Variants in PCSK5 observed in about 807,000 individuals in gnomAD.
PCSK5 encodes prohormone convertase 5.
In PCSK5, 129 loss-of-function variants were observed where a neutral mutation model predicts 233.2. That is an observed-to-expected ratio of 0.55 (90% CI 0.48 to 0.64). The LOEUF (loss-of-function observed/expected upper bound fraction) is 0.64. PCSK5 is among the 30% of genes least tolerant of loss of function. PCSK5 has a pLI of 0.00. For missense variants in PCSK5, 2,076 were observed against 2,430.1 expected, an observed-to-expected ratio of 0.85 and a Z score of 3.06; for synonymous variants, 825 against 879.2, an observed-to-expected ratio of 0.94 and a Z score of 1.09.
chr9:75,894,018 ATTC>A lies in PCSK5; in HGVS notation c.192+2648_192+2650del, dbSNP rs770735048. Among the ~76,000 whole-genome samples the A allele has an allele frequency of 3.4e-4, 51 of 152,160 alleles. 1 individual carries two copies. Among genetic ancestry groups the A allele is most frequent in the Admixed American group, 7.8e-4 (12 of 15,288 alleles). On this transcript the variant is annotated intron_variant, in intron 1 of 37. Coordinates refer to ENST00000674117, the MANE Select transcript of PCSK5 (RefSeq NM_001372043.1). ...TCAACACTTTAGACATCCTTTTGTT[ATTC>A]TTTCCATCAGTAAACCAGCTGTGGA...
Position 76,309,901 on chromosome 9 carries a change from G to A in PCSK5, c.3689-755G>A, listed in dbSNP as rs564425577. On this transcript the variant is annotated intron_variant, in intron 29 of 37. Coordinates refer to ENST00000674117, the MANE Select transcript of PCSK5 (RefSeq NM_001372043.1). ...GATTTTGAAAATTGGTTTTCTTAATGAGTATCAGTTGTTTTTCGATTGAAA... is the reference window on the plus strand; with the variant it reads ...GATTTTGAAAATTGGTTTTCTTAATAAGTATCAGTTGTTTTTCGATTGAAA... Among the ~76,000 whole-genome samples, 31 of 152,248 alleles carry A rather than the reference G, an allele frequency of 2.0e-4. 1 individual carries two copies. The highest frequency in any genetic ancestry group is 3.9e-4 in the Admixed American group (6 of 15,294).
At chr9:76,260,781 T>C (rs1242000131) in intron 24 of PCSK5, among the ~76,000 whole-genome samples, 1 of 152,194 alleles carries the variant, frequency 6.6e-6, no homozygotes, top group Non-Finnish European at 1.5e-5. Context: ...AATTTTTATG[T>C]TTTAAGCTGC....
rs59248860 is a variant in PCSK5 at position 76,173,496 on chromosome 9, CTTTTTTTTTTTTTTTTTTTT to C, written c.1757-1473_1757-1454del. ...CTTTAATGAAATGGAGGCACGTTTC[CTTTTTTTTTTTTTTTTTTTT>C]TTTTTTTTTTTTTTTTACTTTTTGC... is the stretch of plus-strand genomic sequence containing the variant. On this transcript the variant is annotated intron_variant, in intron 13 of 37. Coordinates refer to ENST00000674117, the MANE Select transcript of PCSK5 (RefSeq NM_001372043.1). Among the ~76,000 whole-genome samples the C allele has an allele frequency of 1.0e-3, 64 of 61,004 alleles. 1 individual carries two copies. The highest frequency in any genetic ancestry group is 2.2e-3 in the African/African-American group (39 of 17,748). 40.0% of individuals were successfully genotyped at this position (61,004 alleles called of 152,430 possible). A position where few individuals can be genotyped will look rare whatever the true frequency, so the allele number is the denominator to read the frequency against.
chr9:76,274,174 C>A (rs1174914951), intron 24 of PCSK5, among the ~76,000 whole-genome samples: 1 of 151,770 alleles, frequency 6.6e-6, no homozygotes, highest in African/African-American at 2.4e-5. Context: ...TTATATCTAT[C>A]TTTGAGTTTA....
chr9:75,965,190 T>A (rs1825522194), intron 2 of PCSK5, among the ~76,000 whole-genome samples: 1 of 152,074 alleles, frequency 6.6e-6, no homozygotes, highest in Non-Finnish European at 1.5e-5. Flanking sequence ...GTATTAGGGT[T>A]CTCCAGGGAC....
At chr9:76,288,966 T>C (rs942701802) in intron 24 of PCSK5, among the ~76,000 whole-genome samples, 10 of 152,046 alleles carry the variant, frequency 6.6e-5, no homozygotes, top group African/African-American at 2.4e-4. Context: ...TGGCATAGAA[T>C]GTAAATTGGC....
rs549857542 is a variant in PCSK5, at chr9:76,083,874, C to T, written c.894+11976C>T. Among the ~76,000 whole-genome samples the T allele has an allele frequency of 1.4e-4, 21 of 152,270 alleles. 1 individual carries two copies. Among genetic ancestry groups the T allele is most frequent in the African/African-American group, 5.1e-4 (21 of 41,554 alleles). Reference sequence around the variant, plus strand: ...TCATAATAAACTTAACTAATTCCATCCAGGAGGGATATGTTTTTATCTGAT... The same window carrying T: ...TCATAATAAACTTAACTAATTCCATTCAGGAGGGATATGTTTTTATCTGAT... On this transcript the variant is annotated intron_variant, in intron 7 of 37. Coordinates refer to ENST00000674117, the MANE Select transcript of PCSK5 (RefSeq NM_001372043.1).
intron 24 of PCSK5, among the ~76,000 whole-genome samples, chr9:76,259,595 T>C (rs1394311858): frequency 6.6e-6 from 1 of 152,142 alleles, no homozygotes; most frequent in Non-Finnish European, 1.5e-5. Context: ...TTCCCTCACT[T>C]AAAATGTAAC....
intron 20 of PCSK5, among the ~76,000 whole-genome samples, chr9:76,203,566 G>A (rs984344581): frequency 2.0e-5 from 3 of 151,824 alleles, no homozygotes; most frequent in African/African-American, 7.3e-5. Flanking sequence ...ACTTGCAACA[G>A]ACCCAGGCTC....
At chr9:76,225,297 T>G (rs146796634) in intron 20 of PCSK5, among the ~76,000 whole-genome samples, 1 of 152,224 alleles carries the variant, frequency 6.6e-6, no homozygotes, top group Admixed American at 6.5e-5. Flanking sequence ...CTGGCATGTA[T>G]GTAGTGTTAA....
chr9:75,890,254 G>T (rs990438309), upstream of PCSK5, among the ~76,000 whole-genome samples: 4 of 152,178 alleles, frequency 2.6e-5, no homozygotes, highest in African/African-American at 9.7e-5. Context: ...TGAAAATCTC[G>T]AGTTATTTGT....
At chr9:75,906,942 C>T (rs964300846) in intron 1 of PCSK5, among the ~76,000 whole-genome samples, 1 of 152,212 alleles carries the variant, frequency 6.6e-6, no homozygotes, top group Admixed American at 6.5e-5. Flanking sequence ...GAACTATTCA[C>T]CTGATCCATT....
At chr9:75,932,742 G>A (rs574662338) in intron 2 of PCSK5, among the ~76,000 whole-genome samples, 10 of 152,118 alleles carry the variant, frequency 6.6e-5, no homozygotes, top group Non-Finnish European at 1.5e-4. Context: ...GAGGTGAGAG[G>A]GGAATAGGGA....
intron 1 of PCSK5, among the ~76,000 whole-genome samples, chr9:75,894,102 C>T (rs1825717020): frequency 6.6e-6 from 1 of 152,096 alleles, no homozygotes; most frequent in South Asian, 2.1e-4. Flanking sequence ...TGTTTTTTAC[C>T]CATTTGGGCT....
At chr9:76,233,033 T>C (rs1223710090) in intron 21 of PCSK5, among the ~76,000 whole-genome samples, 1 of 152,226 alleles carries the variant, frequency 6.6e-6, no homozygotes, top group Non-Finnish European at 1.5e-5. Context: ...GGAGCTGACA[T>C]TTCCCTTGCA....
intron 2 of PCSK5, among the ~76,000 whole-genome samples, chr9:75,949,093 G>C (rs78852681): frequency 2.0e-5 from 3 of 148,714 alleles, no homozygotes; most frequent in Non-Finnish European, 3.0e-5. Context: ...TTTGTATCTA[G>C]GATGCTAGAT....
intron 5 of PCSK5, among the ~76,000 whole-genome samples, chr9:76,053,373 C>T (rs1254506925): frequency 6.6e-6 from 1 of 152,228 alleles, no homozygotes; most frequent in East Asian, 1.9e-4. Context: ...GGTTCCCAAA[C>T]ATCTGGCTTA....
chr9:76,307,189 G>C (rs143846486), intron 28 of PCSK5, among the ~76,000 whole-genome samples: 2,124 of 152,234 alleles, frequency 0.014, 37 homozygotes, highest in Non-Finnish European at 0.022. Flanking sequence ...CCGTATCCAT[G>C]GTTACCCTAC....
At chr9:76,222,633 A>C (rs1825764281) in intron 20 of PCSK5, among the ~76,000 whole-genome samples, 1 of 152,150 alleles carries the variant, frequency 6.6e-6, no homozygotes, top group African/African-American at 2.4e-5. Context: ...CATTTAGCAT[A>C]GTGTCTTCAA....
Sources: allele counts gnomAD v4.1 joint callset (sites outside exome capture counted in the v4.1 genomes callset), GRCh38; gene constraint gnomAD v4.1.1; transcripts MANE v1.5; gene names NCBI Gene and HGNC (gene_info 2026-07-23, HGNC 2026-07-21).